The following GPC1 variants were observed in gnomAD, a reference collection of about 807,000 sequenced individuals.
GPC1 encodes glypican 1, also known as glypican-1.
Under a neutral mutation model 51.5 loss-of-function variants are expected in GPC1, and 26 were observed. That is an observed-to-expected ratio of 0.50 (90% CI 0.37 to 0.70). The LOEUF (loss-of-function observed/expected upper bound fraction) is 0.70, where lower values mean the gene tolerates loss of function less well. Among genes scored for constraint, GPC1 ranks in the 30% least tolerant of loss-of-function variants. The pLI, the probability that GPC1 is intolerant of heterozygous loss-of-function variation, is 0.00. For missense variants in GPC1, 775 were observed against 800.5 expected, an observed-to-expected ratio of 0.97 and a Z score of 0.38; for synonymous variants, 380 against 348.3, an observed-to-expected ratio of 1.09 and a Z score of -1.01.
Position 240,462,243 on chromosome 2 carries a change from C to T in GPC1, c.378C>T (p.Phe126=). ...NDSERTLQAT[F]PGAFGELYTQ... Reference sequence around the variant, plus strand: ...CGGAGCGGACGCTGCAGGCCACCTTCCCCGGCGCCTTCGGAGAGCTGTACA... The same window carrying T: ...CGGAGCGGACGCTGCAGGCCACCTTTCCCGGCGCCTTCGGAGAGCTGTACA... Residue 126 remains phenylalanine, a synonymous_variant, in exon 3 of 9, where the codon TTC becomes TTT. Transcript: ENST00000264039. The T allele has an allele frequency of 1.9e-6, 3 of 1,610,352 alleles. No homozygotes were observed. The highest frequency in any genetic ancestry group is 2.2e-5 in the South Asian group (2 of 90,778).
chr2:240,454,002 C>T (rs1164275785), intron 1 of GPC1, among the ~76,000 whole-genome samples: 2 of 149,908 alleles, frequency 1.3e-5, no homozygotes, highest in African/African-American at 4.9e-5. Context: ...CAGTGCGCGG[C>T]GGAGGTTCTG....
intron 1 of GPC1, among the ~76,000 whole-genome samples, chr2:240,446,896 G>C (rs986759673): frequency 6.6e-6 from 1 of 152,202 alleles, no homozygotes; most frequent in Non-Finnish European, 1.5e-5. Flanking sequence ...AGACCTGCCT[G>C]AGGGGAGCAG....
intron 1 of GPC1, among the ~76,000 whole-genome samples, chr2:240,456,290 C>T (rs1035360254): frequency 1.3e-5 from 2 of 152,086 alleles, no homozygotes; most frequent in East Asian, 1.9e-4. Context: ...CTCTCCATGC[C>T]TCTCGTCAGC....
chr2:240,436,178 G>A (rs2073982523), intron 1 of GPC1, 94 bp downstream of exon 1: 1 of 874,772 alleles, frequency 1.1e-6, no homozygotes, highest in African/African-American at 1.7e-5. Context: ...CCCCGGCGCG[G>A]GATCCTGCCG....
At chr2:240,446,646 T>C (rs1250134755) in intron 1 of GPC1, among the ~76,000 whole-genome samples, 1 of 152,188 alleles carries the variant, frequency 6.6e-6, no homozygotes, top group African/African-American at 2.4e-5. Context: ...TCTTGTCCTG[T>C]CCTCGGCCTC....
chr2:240,456,562 C>T (rs1331434978), intron 1 of GPC1: 3 of 467,942 alleles, frequency 6.4e-6, no homozygotes, highest in Admixed American at 2.4e-5. Context: ...CCCCCTCCCC[C>T]AGGCACGTTT....
chr2:240,450,460 C>T (rs2074087521), intron 1 of GPC1: 4 of 394,114 alleles, frequency 1.0e-5, no homozygotes, highest in Admixed American at 5.8e-5. Flanking sequence ...TTGCACAGGT[C>T]ACTTTAGCTC....
chr2:240,448,430 G>A lies in GPC1; in HGVS notation c.167-10600G>A, dbSNP rs2074067608. On this transcript the variant is annotated intron_variant, in intron 1 of 8. Transcript: ENST00000264039. The surrounding 1 kb of genome is among the most constrained non-coding windows in gnomAD (Gnocchi z 4.5). ...TAGACAGTCCCTGCCAGGCAGTCCG[G>A]GTGTAGATAGTCCCTGCCAGGAAGT... 2.6e-5 allele frequency among the ~76,000 whole-genome samples: 4 copies of A among 152,316 alleles called. No homozygotes were observed. The South Asian group carries it at 8.3e-4, about 32-fold the overall frequency.
intron 1 of GPC1, among the ~76,000 whole-genome samples, chr2:240,446,463 C>G (rs977992566): frequency 2.6e-5 from 4 of 152,204 alleles, no homozygotes; most frequent in African/African-American, 9.6e-5. Context: ...GTGTGAGTTA[C>G]AAGTAAAGGG....
At chr2:240,460,420 C>T (rs2074206478) in intron 2 of GPC1, among the ~76,000 whole-genome samples, 1 of 152,138 alleles carries the variant, frequency 6.6e-6, no homozygotes, top group Admixed American at 6.5e-5. Context: ...CCACTCTATC[C>T]TGGGCCTCAG....
Position 240,453,099 on chromosome 2 carries a change from G to A in GPC1, c.167-5931G>A, listed in dbSNP as rs904261372. 1.4e-5 allele frequency: 4 copies of A among 292,696 alleles called. No individual in the cohort carries two copies. In the Admixed American group the frequency reaches 1.6e-4, roughly 12 times the overall value. 18.1% of individuals were successfully genotyped at this position (292,696 alleles called of 1,614,324 possible). On this transcript the variant is annotated intron_variant, in intron 1 of 8. Coordinates refer to ENST00000264039, the MANE Select transcript of GPC1 (RefSeq NM_002081.3). ...AGCGCCACCGTACCCGCATCCGCAG[G>A]CGCGCCACCCCCATCTCCACCCGCT...
At position 240,466,698 on chromosome 2, in the gene GPC1, C is replaced by T; in HGVS notation, c.*408C>T. ...CGCCTCCTCCCACTGGGACTCCCAG[C>T]AGAGCCCACCAGCCAGCCCTGGCCC... On this transcript the variant is annotated 3_prime_UTR_variant, in exon 9 of 9. Transcript: ENST00000264039. 5.6e-6 allele frequency: 1 copy of T among 179,824 alleles called. No individual in the cohort carries two copies. Among genetic ancestry groups the T allele is most frequent in the Non-Finnish European group, 1.1e-5 (1 of 86,960 alleles). 11.1% of individuals were successfully genotyped at this position (179,824 alleles called of 1,614,324 possible).
intron 1 of GPC1, chr2:240,451,956 G>A (rs1242256568): frequency 1.3e-5 from 2 of 152,730 alleles, no homozygotes; most frequent in African/African-American, 4.8e-5. Flanking sequence ...CCCGTCTTTG[G>A]GGGTCTCCGG....
Position 240,435,938 on chromosome 2 carries a change from G to A in GPC1, c.20G>A (p.Gly7Asp). ...CCCGCCATGGAGCTCCGGGCCCGAG[G>A]CTGGTGGCTGCTATGTGCGGCCGCA... MELRARGWWLLCAAAAL... is the reference protein window; with the variant it reads MELRARDWWLLCAAAAL... Residue 7 changes from glycine to aspartate, a missense_variant, in exon 1 of 9, where the codon GGC becomes GAC. Coordinates refer to ENST00000264039, the MANE Select transcript of GPC1 (RefSeq NM_002081.3). The A allele has an allele frequency of 2.4e-6, 3 of 1,276,120 alleles. No homozygotes were observed. Among genetic ancestry groups the A allele is most frequent in the Non-Finnish European group, 3.0e-6 (3 of 1,011,500 alleles). The allele number at this position is 1,276,120 out of a possible 1,614,324, so 79.0% of individuals were successfully genotyped here.
At position 240,466,925 on chromosome 2, in the gene GPC1, CTG is replaced by C. The variant is rs1176652861; in HGVS notation, c.*637_*638del. ...GCACCACTGCTGAGGAGTCTGAGGACTGTCCTCCCACAGACCTGCAGTGAGGG... is the reference window on the plus strand; with the variant it reads ...GCACCACTGCTGAGGAGTCTGAGGACTCCTCCCACAGACCTGCAGTGAGGG... On this transcript the variant is annotated 3_prime_UTR_variant, in exon 9 of 9. Coordinates refer to ENST00000264039, the MANE Select transcript of GPC1 (RefSeq NM_002081.3). 6.6e-6 allele frequency: 1 copy of C among 152,368 alleles called. No homozygotes were observed. Among genetic ancestry groups the C allele is most frequent in the Non-Finnish European group, 1.5e-5 (1 of 68,152 alleles). The allele number at this position is 152,368 out of a possible 1,614,324, so 9.4% of individuals were successfully genotyped here.
chr2:240,446,003 T>G (rs151298448), intron 1 of GPC1, among the ~76,000 whole-genome samples: 25 of 152,372 alleles, frequency 1.6e-4, no homozygotes, highest in African/African-American at 6.0e-4. Flanking sequence ...TGTAGTTGTA[T>G]GCTTCAGAAA....
At chr2:240,446,421 G>A (rs1019864655) in intron 1 of GPC1, among the ~76,000 whole-genome samples, 1 of 152,274 alleles carries the variant, frequency 6.6e-6, no homozygotes, top group Non-Finnish European at 1.5e-5. Context: ...CACAAGCTGT[G>A]CCTGTGCTTG....
At chr2:240,441,468 T>C (rs542774886) in intron 1 of GPC1, among the ~76,000 whole-genome samples, 138 of 152,360 alleles carry the variant, frequency 9.1e-4, no homozygotes, top group African/African-American at 3.2e-3. Flanking sequence ...AGATCAAGAC[T>C]GGACCCGTGG....
intron 1 of GPC1, chr2:240,454,963 A>T (rs1265204220): frequency 4.3e-6 from 1 of 232,006 alleles, no homozygotes. Flanking sequence ...CTGATGACCA[A>T]GAGGAAACTG....
Sources: gnomAD v4.1 joint callset for allele counts (sites outside exome capture counted in the v4.1 genomes callset) on GRCh38, gnomAD v4.1.1 for gene constraint, Gnocchi (gnomAD v3.1) non-coding constraint, MANE v1.5 for transcripts, NCBI Gene and HGNC (gene_info 2026-07-23, HGNC 2026-07-21) for gene names.